The following EIF4EBP1 variants were observed in gnomAD, a reference collection of about 807,000 sequenced individuals.
EIF4EBP1 encodes eukaryotic translation initiation factor 4E-binding protein 1.
Under a neutral mutation model 9.2 loss-of-function variants are expected in EIF4EBP1, and 5 were observed. The ratio of observed to expected loss-of-function variants is 0.54; its 90% CI spans 0.28 to 1.14. The LOEUF is 1.14. Among genes scored for constraint, EIF4EBP1 ranks in the 50% most tolerant of loss-of-function variants. The probability of loss-of-function intolerance (pLI) is 0.09; values close to 1 mark genes in which losing one functional copy is unlikely to be tolerated. For missense variants in EIF4EBP1, 139 were observed against 169.6 expected, an observed-to-expected ratio of 0.82 and a Z score of 1.00; for synonymous variants, 62 against 67.0, an observed-to-expected ratio of 0.93 and a Z score of 0.36.
intron 1 of EIF4EBP1, among the ~76,000 whole-genome samples, chr8:38,031,665 G>A (rs1019740006): frequency 6.6e-6 from 1 of 152,138 alleles, no homozygotes; most frequent in African/African-American, 2.4e-5. Context: ...GCTAGGTGGC[G>A]GGCGGGGGCC....
In EIF4EBP1 at chr8:38,030,579, CG is replaced by C; in HGVS notation, c.11del (p.Gly4AlafsTer56). 4 of 1,512,708 alleles carry C rather than the reference CG, an allele frequency of 2.6e-6. No homozygotes were observed. The highest frequency in any genetic ancestry group is 1.2e-5 in the South Asian group (1 of 81,912). The allele number at this position is 1,512,708 out of a possible 1,614,324, so 93.7% of individuals were successfully genotyped here. On this transcript the variant is annotated frameshift_variant, in exon 1 of 3. Transcript: ENST00000338825. LOFTEE classifies it high-confidence loss of function. ...GGTGCAGCGCACAGGAGACCATGTC[CG>C]GGGGCAGCAGCTGCAGCCAGACCCC... MS[G>X]GSSCSQTPSR...
chr8:38,042,592 T>C (rs1809396645), intron 1 of EIF4EBP1, among the ~76,000 whole-genome samples: 1 of 152,226 alleles, frequency 6.6e-6, no homozygotes, highest in African/African-American at 2.4e-5. Context: ...ACCTTCTCCC[T>C]GTATCTGCAC....
At chr8:38,049,235 A>G (rs1809486048) in intron 1 of EIF4EBP1, among the ~76,000 whole-genome samples, 1 of 152,072 alleles carries the variant, frequency 6.6e-6, no homozygotes, top group South Asian at 2.1e-4. Context: ...ATTTTCTGTC[A>G]GATTGTGAAG....
At chr8:38,033,514 A>C (rs1390364063) in intron 1 of EIF4EBP1, among the ~76,000 whole-genome samples, 1 of 151,728 alleles carries the variant, frequency 6.6e-6, no homozygotes, top group African/African-American at 2.4e-5. Flanking sequence ...ATCCAGGTAA[A>C]CTTTGATCTC....
At chr8:38,043,232 T>G (rs1225905258) in intron 1 of EIF4EBP1, among the ~76,000 whole-genome samples, 1 of 152,080 alleles carries the variant, frequency 6.6e-6, no homozygotes, top group African/African-American at 2.4e-5. Context: ...GCTTCACCCA[T>G]AGGGTGCATT....
At chr8:38,049,914 T>C (rs1469538008) in intron 1 of EIF4EBP1, among the ~76,000 whole-genome samples, 1 of 78,726 alleles carries the variant, frequency 1.3e-5, no homozygotes, top group Non-Finnish European at 2.8e-5. Context: ...CCTTTTTCTT[T>C]TTTCTTTTTT....
intron 2 of EIF4EBP1, among the ~76,000 whole-genome samples, chr8:38,058,151 G>T (rs1287611810): frequency 6.6e-6 from 1 of 152,198 alleles, no homozygotes; most frequent in East Asian, 1.9e-4. Context: ...ATAGTTGCCT[G>T]TGTCTTAGTC....
chr8:38,033,777 C>T (rs945292215), intron 1 of EIF4EBP1, among the ~76,000 whole-genome samples: 6 of 83,960 alleles, frequency 7.1e-5, no homozygotes, highest in African/African-American at 2.4e-4. Flanking sequence ...GATGGAGTTT[C>T]GCTTTGTCGC....
At chr8:38,034,263 G>A (rs1809270819) in intron 1 of EIF4EBP1, among the ~76,000 whole-genome samples, 1 of 151,772 alleles carries the variant, frequency 6.6e-6, no homozygotes, top group Non-Finnish European at 1.5e-5. Flanking sequence ...ACCCAGGCTG[G>A]CCTCAAACTC....
intron 1 of EIF4EBP1, among the ~76,000 whole-genome samples, chr8:38,056,358 A>C (rs1161681075): frequency 6.6e-6 from 1 of 152,216 alleles, no homozygotes; most frequent in Non-Finnish European, 1.5e-5. Flanking sequence ...TGTAAAATGC[A>C]GCTATTCTGG....
At chr8:38,032,002 G>A (rs1280726222) in intron 1 of EIF4EBP1, among the ~76,000 whole-genome samples, 1 of 152,194 alleles carries the variant, frequency 6.6e-6, no homozygotes, top group African/African-American at 2.4e-5. Context: ...TTCCCTTGCT[G>A]GGTCTTTTGT....
intron 1 of EIF4EBP1, among the ~76,000 whole-genome samples, chr8:38,036,177 G>A (rs1809299914): frequency 6.6e-6 from 1 of 151,772 alleles, no homozygotes; most frequent in Non-Finnish European, 1.5e-5. Context: ...GTAGAGACAG[G>A]GTCATGCTTT....
chr8:38,056,613 G>A (rs902989174), intron 1 of EIF4EBP1, among the ~76,000 whole-genome samples: 6 of 151,412 alleles, frequency 4.0e-5, no homozygotes, highest in Admixed American at 6.6e-5. Context: ...TTTGGAGGTA[G>A]CAGAGTTCTG....
intron 1 of EIF4EBP1, among the ~76,000 whole-genome samples, chr8:38,044,935 C>T (rs6605631): frequency 0.72 from 109,971 of 151,942 alleles, 40,325 homozygotes; most frequent in Middle Eastern, 0.87. Context: ...CAGATGGCAA[C>T]GATTGCTGTA....
chr8:38,032,293 G>A (rs969234195), intron 1 of EIF4EBP1, among the ~76,000 whole-genome samples: 2 of 148,852 alleles, frequency 1.3e-5, no homozygotes, highest in Non-Finnish European at 2.9e-5. Flanking sequence ...CAGGAGAATT[G>A]CTTGAGGCCA....
chr8:38,054,636 G>A (rs564225933), intron 1 of EIF4EBP1, among the ~76,000 whole-genome samples: 17 of 152,270 alleles, frequency 1.1e-4, no homozygotes, highest in South Asian at 4.1e-4. Flanking sequence ...CCTCCCCTCT[G>A]GGGAGGAGAG....
At position 38,040,811 on chromosome 8, in the gene EIF4EBP1, C is replaced by T. The variant is rs190916231; in HGVS notation, c.145+10093C>T. On this transcript the variant is annotated intron_variant, in intron 1 of 2. Coordinates refer to ENST00000338825, the MANE Select transcript of EIF4EBP1 (RefSeq NM_004095.4). ...TAACATCACTTACCAAGTATTCTGTCGGTCAAAGCAAGTCACAGGGCCAGC... is the reference window on the plus strand; with the variant it reads ...TAACATCACTTACCAAGTATTCTGTTGGTCAAAGCAAGTCACAGGGCCAGC... Among the ~76,000 whole-genome samples, 612 of 152,290 alleles carry T rather than the reference C, an allele frequency of 4.0e-3. 6 individuals carry two copies. The highest frequency in any genetic ancestry group is 0.014 in the African/African-American group (579 of 41,552).
At chr8:38,050,048 C>A (rs562812530) in intron 1 of EIF4EBP1, among the ~76,000 whole-genome samples, 1 of 151,870 alleles carries the variant, frequency 6.6e-6, no homozygotes, top group African/African-American at 2.4e-5. Flanking sequence ...AATAGCTGGA[C>A]TACAGGTGTG....
rs1809657520 is a variant in EIF4EBP1 at position 38,060,228 on chromosome 8, T to G, written c.*293T>G. On this transcript the variant is annotated 3_prime_UTR_variant, in exon 3 of 3. Coordinates refer to ENST00000338825, the MANE Select transcript of EIF4EBP1 (RefSeq NM_004095.4). ...AAGTGGACAAGAACGAACCCTTCCT[T>G]CCGAATGATCAGCAGTTCCAGCCCC... 2.0e-6 allele frequency: 1 copy of G among 488,116 alleles called. No individual in the cohort carries two copies. Among genetic ancestry groups the G allele is most frequent in the Non-Finnish European group, 3.7e-6 (1 of 270,798 alleles). 30.2% of individuals were successfully genotyped at this position (488,116 alleles called of 1,614,324 possible). A position where few individuals can be genotyped will look rare whatever the true frequency, so the allele number is the denominator to read the frequency against.
Sources: allele counts gnomAD v4.1 joint callset (sites outside exome capture counted in the v4.1 genomes callset), GRCh38; gene constraint gnomAD v4.1.1; transcripts MANE v1.5; gene names NCBI Gene and HGNC (gene_info 2026-07-23, HGNC 2026-07-21).